DOCK7: variants seen among roughly 807,000 people sequenced by gnomAD.
DOCK7 encodes dedicator of cytokinesis protein 7.
Under a neutral mutation model 271.0 loss-of-function variants are expected in DOCK7, and 138 were observed. That is an observed-to-expected ratio of 0.51 (90% CI 0.44 to 0.59). DOCK7 has a LOEUF of 0.59. DOCK7 is among the 20% of genes least tolerant of loss of function. The pLI is 0.00. For synonymous variants in DOCK7, 823 were observed against 876.1 expected (o/e 0.94, Z 1.07); for missense variants, 2,066 against 2,592.4 (o/e 0.80, Z 4.41).
intron 14 of DOCK7, among the ~76,000 whole-genome samples, chr1:62,600,362 C>A (rs1050023792): frequency 4.0e-5 from 6 of 151,692 alleles, no homozygotes; most frequent in South Asian, 4.1e-4. Flanking sequence ...TAATACCCAG[C>A]AAGCAAACTT....
intron 22 of DOCK7, among the ~76,000 whole-genome samples, chr1:62,548,538 A>G (rs1645788571): frequency 6.6e-6 from 1 of 151,192 alleles, no homozygotes; most frequent in African/African-American, 2.4e-5. Context: ...CTCCTGCCTC[A>G]GCCTCCTGAG....
rs76585165 is a variant in DOCK7 at position 62,591,365 on chromosome 1, G to A, written c.1683-4741C>T. ...GTCTACCTGAGAAGGGAGGGTGGAGGAGAGAGAGGAGCAGAAAAGATAACT... is the reference window on the plus strand; with the variant it reads ...GTCTACCTGAGAAGGGAGGGTGGAGAAGAGAGAGGAGCAGAAAAGATAACT... On this transcript the variant is annotated intron_variant, in intron 14 of 49. Coordinates refer to ENST00000635253, the MANE Select transcript of DOCK7 (RefSeq NM_001367561.1). Among the ~76,000 whole-genome samples, 73 of 152,204 alleles carry A rather than the reference G, an allele frequency of 4.8e-4. No homozygotes were observed. The East Asian group carries it at 0.013, about 27-fold the overall frequency.
chr1:62,578,221 G>T (rs1646996552), intron 17 of DOCK7, among the ~76,000 whole-genome samples: 1 of 152,136 alleles, frequency 6.6e-6, no homozygotes, highest in South Asian at 2.1e-4. Flanking sequence ...ATCTGCTGAA[G>T]AGTCTATGAA....
At chr1:62,481,746 T>C (rs976403379) in intron 43 of DOCK7, 2 of 152,226 alleles carry the variant, frequency 1.3e-5, no homozygotes, top group Non-Finnish European at 2.9e-5. Context: ...TCTACCATGT[T>C]TCTAAATGGT....
chr1:62,530,041 T>C (rs1395674744), intron 29 of DOCK7, among the ~76,000 whole-genome samples: 1 of 152,228 alleles, frequency 6.6e-6, no homozygotes, highest in Non-Finnish European at 1.5e-5. Context: ...CAAGGGTCAC[T>C]TTCACTTAAA....
chr1:62,465,481 TAAA>T (rs60628704), intron 48 of DOCK7, among the ~76,000 whole-genome samples: 1 of 149,586 alleles, frequency 6.7e-6, no homozygotes, highest in African/African-American at 2.4e-5. Flanking sequence ...AAGAACACTG[TAAA>T]AAAAAAAAAA....
intron 4 of DOCK7, among the ~76,000 whole-genome samples, chr1:62,649,138 T>G (rs994983027): frequency 6.6e-6 from 1 of 152,142 alleles, no homozygotes; most frequent in Non-Finnish European, 1.5e-5. Context: ...GCAAGCTTCT[T>G]TCTTAACAAT....
chr1:62,629,089 T>A (rs1654297290), intron 11 of DOCK7: 1 of 152,194 alleles, frequency 6.6e-6, no homozygotes, highest in African/African-American at 2.4e-5. Context: ...TATGTTACAC[T>A]GGTAAAGATA....
chr1:62,553,342 ATATATATATATATTTTTTTTTTTTTT>A (rs1258069304), intron 21 of DOCK7, among the ~76,000 whole-genome samples: 13,798 of 32,910 alleles, frequency 0.42, 1,311 homozygotes, highest in Middle Eastern at 0.5. Flanking sequence ...ATATATATAT[ATATATATATATATTTTTTTTTTTTTT>A]TTTTTTTTTT....
chr1:62,680,490 T>G (rs1258461795), intron 1 of DOCK7, among the ~76,000 whole-genome samples: 6 of 151,574 alleles, frequency 4.0e-5, no homozygotes, highest in Non-Finnish European at 8.8e-5. Flanking sequence ...AAGGACTTCA[T>G]GTCTAAAACA....
chr1:62,599,261 G>A (rs149699023), intron 14 of DOCK7, among the ~76,000 whole-genome samples: 2 of 151,962 alleles, frequency 1.3e-5, no homozygotes, highest in East Asian at 3.9e-4. Flanking sequence ...TAGTTATTCT[G>A]ACCGCTTTAC....
intron 29 of DOCK7, among the ~76,000 whole-genome samples, chr1:62,535,243 T>G (rs1571439948): frequency 6.6e-6 from 1 of 152,170 alleles, no homozygotes; most frequent in East Asian, 1.9e-4. Flanking sequence ...AGAACACTAC[T>G]AAATGAATTA....
intron 21 of DOCK7, among the ~76,000 whole-genome samples, chr1:62,553,877 A>T (rs1646044508): frequency 6.6e-6 from 1 of 151,324 alleles, no homozygotes; most frequent in Admixed American, 6.6e-5. Flanking sequence ...ACGCACACGC[A>T]GCCCTTTCAC....
chr1:62,531,240 C>CTCTCAGCAGCTACCATACTCATAT, intron 29 of DOCK7, among the ~76,000 whole-genome samples: 1 of 152,220 alleles, frequency 6.6e-6, no homozygotes, highest in Non-Finnish European at 1.5e-5. Context: ...TATGCCTTAT[C>CTCTCAGCAGCTACCATACTCATAT]TCTCAGCAGC....
chr1:62,520,786 A>C (rs1644823672), intron 31 of DOCK7, among the ~76,000 whole-genome samples: 1 of 152,198 alleles, frequency 6.6e-6, no homozygotes, highest in Admixed American at 6.5e-5. Context: ...TCATTCTACT[A>C]TAAAGACACA....
rs1646505300 is a variant in DOCK7, at chr1:62,492,832, C to T, written c.5233G>A (p.Val1745Ile). 9.9e-6 allele frequency: 16 copies of T among 1,611,356 alleles called. No individual in the cohort carries two copies. The highest frequency in any genetic ancestry group is 1.3e-5 in the Non-Finnish European group (15 of 1,179,030). Reference protein sequence around the residue: ...CVTFQNISSNVLEESAVSDDV... With the variant: ...CVTFQNISSNILEESAVSDDV... ...TCTGAGACCGCAGATTCTTCTAAAA[C>T]ATTAGATGAAATATTCTAGGGAAAA... Residue 1745 changes from valine to isoleucine, a missense_variant, in exon 41 of 50, where the codon GTT becomes ATT. Val to Ile is a conservative substitution (Grantham distance 29). Around this residue, in one of 2 missense-constraint regions of DOCK7, gnomAD observed 652 missense variants for 922.1 expected, o/e 0.71. Transcript: ENST00000635253.
intron 22 of DOCK7, among the ~76,000 whole-genome samples, chr1:62,546,444 T>C (rs554653684): frequency 1.3e-5 from 2 of 152,258 alleles, no homozygotes; most frequent in African/African-American, 4.8e-5. Context: ...GACTGTCTAA[T>C]ATGGGAGTTA....
intron 48 of DOCK7, 34 bp downstream of exon 48, chr1:62,473,948 A>G: frequency 1.3e-6 from 2 of 1,573,522 alleles, no homozygotes; most frequent in Non-Finnish European, 8.7e-7. Context: ...GACAGTCTCA[A>G]TTTGAAGATC....
chr1:62,475,430 T>C (rs1273605576), intron 46 of DOCK7, 79 bp from the exon 47 acceptor site: 1 of 1,432,496 alleles, frequency 7.0e-7, no homozygotes. Context: ...CAACTGAAAT[T>C]AGAAAAAAAA....
Sources: allele counts gnomAD v4.1 joint callset (sites outside exome capture counted in the v4.1 genomes callset), GRCh38; gene constraint gnomAD v4.1.1; regional missense constraint gnomAD v4.1.1; transcripts MANE v1.5; gene names NCBI Gene and HGNC (gene_info 2026-07-23, HGNC 2026-07-21).